The following ARHGAP21 variants were observed in gnomAD, a reference collection of about 807,000 sequenced individuals.
ARHGAP21 encodes rho GTPase-activating protein 21.
In ARHGAP21, 38 loss-of-function variants were observed where a neutral mutation model predicts 164.6. The observed-to-expected ratio is 0.23, with a 90% CI of 0.18 to 0.30. The LOEUF is 0.30. Ranked by LOEUF, ARHGAP21 falls within the 10% of genes least tolerant of loss-of-function variation. The pLI is 1.00. For synonymous variants in ARHGAP21, 766 were observed against 857.9 expected (o/e 0.89, Z 1.87); for missense variants, 1,822 against 2,370.7 (o/e 0.77, Z 4.81).
chr10:24,604,399 T>TA (rs1227120453), intron 11 of ARHGAP21, 51 bp from the exon 12 acceptor site: 1 of 1,276,742 alleles, frequency 7.8e-7, no homozygotes, highest in East Asian at 2.5e-5. Flanking sequence ...AAAAAAATCT[T>TA]AAAGATGTAA....
chr10:24,590,735 CTG>C (rs2076290994), intron 24 of ARHGAP21: 1 of 985,246 alleles, frequency 1.0e-6, no homozygotes, highest in Middle Eastern at 5.2e-4. Context: ...AAATAATACA[CTG>C]TATTTATGAA....
In ARHGAP21 at chr10:24,660,317, G is replaced by T. The variant is rs565749860; in HGVS notation, c.268+6668C>A. 4.7e-4 allele frequency among the ~76,000 whole-genome samples: 68 copies of T among 143,948 alleles called. No individual in the cohort carries two copies. The South Asian group carries it at 0.015, about 31-fold the overall frequency. The allele number at this position is 143,948 out of a possible 152,430, so 94.4% of individuals were successfully genotyped here. On this transcript the variant is annotated intron_variant, in intron 4 of 25. Transcript: ENST00000396432. ...GAGGATCACTTGAGCTCATGAATTT[G>T]AGGCTGCAGTGAGCTATCATCATGC...
intron 4 of ARHGAP21, among the ~76,000 whole-genome samples, chr10:24,645,166 T>C (rs1408097639): frequency 6.6e-6 from 1 of 152,200 alleles, no homozygotes; most frequent in Non-Finnish European, 1.5e-5. Flanking sequence ...AACTTCTAAA[T>C]GTCTCTAAAA....
chr10:24,591,153 T>C (rs947481300), intron 24 of ARHGAP21, 72 bp downstream of exon 24: 31 of 1,266,590 alleles, frequency 2.4e-5, no homozygotes, highest in Non-Finnish European at 3.4e-5. Flanking sequence ...TTCACTATGA[T>C]TGATTTGCTC....
chr10:24,648,842 C>T (rs1242311392), intron 4 of ARHGAP21: 2 of 985,094 alleles, frequency 2.0e-6, no homozygotes, highest in Non-Finnish European at 2.4e-6. Flanking sequence ...ATCACAGCCC[C>T]TTTATATCTG....
At chr10:24,662,355 T>C (rs1438365875) in intron 4 of ARHGAP21, among the ~76,000 whole-genome samples, 1 of 152,184 alleles carries the variant, frequency 6.6e-6, no homozygotes, top group African/African-American at 2.4e-5. Context: ...ACCTAAGAGT[T>C]AGACACAACT....
intron 2 of ARHGAP21, among the ~76,000 whole-genome samples, chr10:24,701,498 G>C (rs1843667978): frequency 6.6e-6 from 1 of 152,048 alleles, no homozygotes; most frequent in South Asian, 2.1e-4. Context: ...ACATTTCTCT[G>C]AGAAGGGAAC....
At chr10:24,602,209 G>A in intron 12 of ARHGAP21, 106 bp from the exon 13 acceptor site, 1 of 1,308,078 alleles carries the variant, frequency 7.6e-7, no homozygotes, top group Non-Finnish European at 1.0e-6. Context: ...TTCAAGTGAA[G>A]GGCTATTTTT....
chr10:24,604,224 T>C, intron 12 of ARHGAP21, 88 bp downstream of exon 12: 1 of 873,540 alleles, frequency 1.1e-6, no homozygotes, highest in Non-Finnish European at 1.7e-6. Context: ...AAGATTATAA[T>C]ATTTAAATAT....
chr10:24,591,546 G>A, intron 23 of ARHGAP21, 96 bp downstream of exon 23: 3 of 1,478,810 alleles, frequency 2.0e-6, no homozygotes, highest in Non-Finnish European at 2.8e-6. Context: ...GCGCAAAGCG[G>A]ACAATAGCAA....
intron 1 of ARHGAP21, chr10:24,722,595 C>T (rs1846039057): frequency 6.6e-6 from 1 of 152,258 alleles, no homozygotes; most frequent in Non-Finnish European, 1.5e-5. Flanking sequence ...CTGCATCACC[C>T]AGACAGGGAC....
chr10:24,620,991 T>A lies in ARHGAP21; in HGVS notation c.904A>T (p.Arg302Trp). The change falls in exon 9 of 26, where the codon AGG (arginine) becomes TGG (tryptophan). Residue 302 changes from arginine (R) to tryptophan (W), a missense_variant. By Grantham distance (101) the Arg-to-Trp change is moderately radical (BLOSUM62 -3). Transcript: ENST00000396432. The stretch of plus-strand genomic sequence containing the variant: ...GAGGTCTGCTCACTCACGCCATACC[T>A]CACTTCTTCAGTTCTATGTGAAGGA... ...TGPSHRTEEV[R>W]YGVSEQTSLK... The A allele has an allele frequency of 6.2e-7, 1 of 1,614,022 alleles. No individual in the cohort carries two copies. The highest frequency in any genetic ancestry group is 8.5e-7 in the Non-Finnish European group (1 of 1,179,880).
At chr10:24,722,470 G>C (rs531643094) in intron 1 of ARHGAP21, 191 bp from the exon 2 acceptor site, 108 of 155,960 alleles carry the variant, frequency 6.9e-4, no homozygotes, top group Non-Finnish European at 9.3e-4. Context: ...CTGCCCAGCG[G>C]TTGCGTCAAA....
chr10:24,668,124 G>T (rs981079426), intron 3 of ARHGAP21, among the ~76,000 whole-genome samples: 1 of 152,204 alleles, frequency 6.6e-6, no homozygotes, highest in East Asian at 1.9e-4. Context: ...TATTGTGTTA[G>T]TCGACTTATC....
At chr10:24,689,494 C>G (rs1278114751) in intron 2 of ARHGAP21, among the ~76,000 whole-genome samples, 2 of 152,122 alleles carry the variant, frequency 1.3e-5, no homozygotes, top group Non-Finnish European at 2.9e-5. Flanking sequence ...AATTCCAACA[C>G]TTTGGGAGGC....
At position 24,584,382 on chromosome 10, in the gene ARHGAP21, T is replaced by G; in HGVS notation, c.*30A>C. ...TACTGGAACGTGTAACAGTAGTTTT[T>G]TTACTTGCTAGAGTGGACATACCCC... On this transcript the variant is annotated 3_prime_UTR_variant, in exon 26 of 26. Transcript: ENST00000396432. The G allele has an allele frequency of 6.5e-7, 1 of 1,536,384 alleles. No individual in the cohort carries two copies. Among genetic ancestry groups the G allele is most frequent in the South Asian group, 1.3e-5 (1 of 77,200 alleles).
intron 14 of ARHGAP21, among the ~76,000 whole-genome samples, chr10:24,599,775 T>C (rs192099514): frequency 7.2e-4 from 109 of 152,306 alleles, no homozygotes; most frequent in African/African-American, 2.5e-3. Context: ...AAATTCCTAC[T>C]GTGAAAATAC....
In ARHGAP21 at chr10:24,607,590, G is replaced by A. The variant is rs141406000; in HGVS notation, c.2593C>T (p.Pro865Ser). Reference protein sequence around the residue: ...QLSHDHESVGPPSLDAQPNSK... With the variant: ...QLSHDHESVGSPSLDAQPNSK... ...TTGGGCTGAGCATCCAGGCTAGGAGGGCCAACAGATTCTGTAATTAATTAA... is the reference window on the plus strand; with the variant it reads ...TTGGGCTGAGCATCCAGGCTAGGAGAGCCAACAGATTCTGTAATTAATTAA... Residue 865 changes from proline to serine, a missense_variant, in exon 11 of 26, where the codon CCT becomes TCT. By Grantham distance (74) the Pro-to-Ser change is moderately conservative. Transcript: ENST00000396432. 116 of 1,613,774 alleles carry A rather than the reference G, an allele frequency of 7.2e-5. No homozygotes were observed. Among genetic ancestry groups the A allele is most frequent in the Non-Finnish European group, 9.5e-5 (112 of 1,179,916 alleles).
chr10:24,703,278 CT>C (rs750044782), intron 2 of ARHGAP21, among the ~76,000 whole-genome samples: 2 of 152,136 alleles, frequency 1.3e-5, no homozygotes, highest in Non-Finnish European at 2.9e-5. Flanking sequence ...GGATTTTTTA[CT>C]ACCATCTCTT....
Sources: allele counts gnomAD v4.1 joint callset (sites outside exome capture counted in the v4.1 genomes callset), GRCh38; gene constraint gnomAD v4.1.1; transcripts MANE v1.5; gene names NCBI Gene and HGNC (gene_info 2026-07-23, HGNC 2026-07-21).